The following FAM117B variants were observed in gnomAD, a reference collection of about 807,000 sequenced individuals.
The protein encoded by FAM117B is family with sequence similarity 117 member B.
A neutral mutation model predicts 52.8 loss-of-function variants in FAM117B; 22 were observed. The ratio of observed to expected loss-of-function variants is 0.42; its 90% CI spans 0.30 to 0.59. FAM117B has a LOEUF of 0.59. Ranked by LOEUF, FAM117B falls within the 20% of genes least tolerant of loss-of-function variation. FAM117B has a pLI of 0.22. For missense variants in FAM117B, 678 were observed against 802.6 expected (o/e 0.84, Z 1.88); for synonymous variants, 309 against 324.1 (o/e 0.95, Z 0.50).
At chr2:202,695,361 G>A (rs766600422) in intron 1 of FAM117B, among the ~76,000 whole-genome samples, 5 of 151,844 alleles carry the variant, frequency 3.3e-5, no homozygotes, top group Admixed American at 1.3e-4. Flanking sequence ...TATAAATTGC[G>A]CCATTCTGAG....
chr2:202,694,655 A>G (rs184757427), intron 1 of FAM117B, among the ~76,000 whole-genome samples: 6 of 152,256 alleles, frequency 3.9e-5, no homozygotes, highest in Middle Eastern at 3.4e-3. Context: ...TTGCTCAGAA[A>G]TGAAACCTAC....
At chr2:202,761,383 G>T (rs1691885339) in intron 7 of FAM117B, among the ~76,000 whole-genome samples, 1 of 152,322 alleles carries the variant, frequency 6.6e-6, no homozygotes, top group South Asian at 2.1e-4. Context: ...AGGACTCAGT[G>T]TCTGAGCTAT....
intron 4 of FAM117B, among the ~76,000 whole-genome samples, chr2:202,737,078 A>G (rs1691451863): frequency 6.6e-6 from 1 of 152,168 alleles, no homozygotes; most frequent in African/African-American, 2.4e-5. Context: ...CAACTCTAAA[A>G]GACAGGAAGC....
intron 1 of FAM117B, among the ~76,000 whole-genome samples, chr2:202,690,676 G>A (rs993270652): frequency 1.3e-5 from 2 of 152,186 alleles, no homozygotes; most frequent in African/African-American, 4.8e-5. Flanking sequence ...TACATACTGG[G>A]AACTGCAAGT....
chr2:202,757,245 A>AC lies in FAM117B; in HGVS notation c.1144dup (p.Leu382ProfsTer6), dbSNP rs761783143. The AC allele has an allele frequency of 6.2e-7, 1 of 1,613,442 alleles. No homozygotes were observed. Among genetic ancestry groups the AC allele is most frequent in the Non-Finnish European group, 8.5e-7 (1 of 1,179,928 alleles). The stretch of plus-strand genomic sequence containing the variant: ...ATATTCCAGATGGCCATCGTGCTCC[A>AC]CCCCCCCTTGTACAGAGAAGTAGCA... On this transcript the variant is annotated frameshift_variant, in exon 6 of 8. Transcript: ENST00000392238. LOFTEE classifies it high-confidence loss of function.
chr2:202,657,819 A>C (rs2105759839), intron 1 of FAM117B, among the ~76,000 whole-genome samples: 1 of 151,292 alleles, frequency 6.6e-6, no homozygotes, highest in African/African-American at 2.4e-5. Context: ...CCCTTTTCCT[A>C]CCTTTCAGAT....
intron 2 of FAM117B, among the ~76,000 whole-genome samples, chr2:202,720,875 A>C (rs1013411041): frequency 5.3e-5 from 8 of 152,190 alleles, no homozygotes; most frequent in African/African-American, 1.9e-4. Flanking sequence ...GCTTTTACCT[A>C]GTAGTTTTCA....
intron 1 of FAM117B, among the ~76,000 whole-genome samples, chr2:202,670,934 T>G (rs989923786): frequency 5.3e-5 from 8 of 152,236 alleles, no homozygotes; most frequent in African/African-American, 1.9e-4. Context: ...TTTAATTCCT[T>G]GTATTTAAAG....
intron 2 of FAM117B, among the ~76,000 whole-genome samples, chr2:202,713,132 A>G (rs1471615771): frequency 6.6e-6 from 1 of 152,148 alleles, no homozygotes. Flanking sequence ...TGTTTGGTGG[A>G]ATTCAGCACT....
chr2:202,723,370 A>G (rs1691181529), intron 2 of FAM117B, among the ~76,000 whole-genome samples: 1 of 152,198 alleles, frequency 6.6e-6, no homozygotes, highest in Non-Finnish European at 1.5e-5. Context: ...CAAAATTCAG[A>G]AGGTACAGAA....
chr2:202,660,785 C>T (rs989186919), intron 1 of FAM117B, among the ~76,000 whole-genome samples: 23 of 152,226 alleles, frequency 1.5e-4, no homozygotes, highest in African/African-American at 5.5e-4. Context: ...TCTCTCTGCA[C>T]TGTTCCAGTT....
At chr2:202,719,047 A>G (rs947093795) in intron 2 of FAM117B, among the ~76,000 whole-genome samples, 1 of 152,220 alleles carries the variant, frequency 6.6e-6, no homozygotes, top group Non-Finnish European at 1.5e-5. Flanking sequence ...TACATAAGAC[A>G]AGACTGAACA....
chr2:202,726,750 C>G (rs1200145787), intron 4 of FAM117B, among the ~76,000 whole-genome samples: 1 of 151,954 alleles, frequency 6.6e-6, no homozygotes, highest in Non-Finnish European at 1.5e-5. Context: ...TAATACCTGT[C>G]TCGGGCGGGG....
rs748734796 is a variant in FAM117B at position 202,765,590 on chromosome 2, T to C, written c.1596T>C (p.Ser532=). The C allele has an allele frequency of 3.1e-6, 5 of 1,614,190 alleles. No homozygotes were observed. Among genetic ancestry groups the C allele is most frequent in the Middle Eastern group, 1.6e-4 (1 of 6,062 alleles). Residue 532 remains serine, a synonymous_variant, in exon 8 of 8, where the codon TCT becomes TCC. Coordinates refer to ENST00000392238, the MANE Select transcript of FAM117B (RefSeq NM_173511.4). ...CCCCGGATCTTACACTCAAGGGCTCTGGCCACAGCCTGACAGTCACCACTG... is the reference window on the plus strand; with the variant it reads ...CCCCGGATCTTACACTCAAGGGCTCCGGCCACAGCCTGACAGTCACCACTG... The part of the protein sequence containing the change: ...LPTPDLTLKG[S]GHSLTVTTGM...
intron 4 of FAM117B, among the ~76,000 whole-genome samples, chr2:202,735,318 T>A (rs965343051): frequency 1.3e-5 from 2 of 152,190 alleles, no homozygotes; most frequent in African/African-American, 4.8e-5. Flanking sequence ...ATTACAGTAT[T>A]TTGTTTGTAT....
At chr2:202,685,073 C>T (rs1402094963) in intron 1 of FAM117B, among the ~76,000 whole-genome samples, 1 of 152,022 alleles carries the variant, frequency 6.6e-6, no homozygotes, top group East Asian at 1.9e-4. Context: ...ACCTCTGCCT[C>T]CTGGGTTCAA....
chr2:202,741,487 T>A (rs1691537224), intron 4 of FAM117B, among the ~76,000 whole-genome samples: 1 of 143,956 alleles, frequency 6.9e-6, no homozygotes, highest in African/African-American at 2.6e-5. Context: ...TCAGATAATA[T>A]GATAGTATAT....
At chr2:202,757,185 T>C in intron 5 of FAM117B, 28 bp from the exon 6 acceptor site, 4 of 1,600,294 alleles carry the variant, frequency 2.5e-6, no homozygotes, top group Non-Finnish European at 3.4e-6. Context: ...ATTATAAATA[T>C]ACCTATGTTT....
At chr2:202,735,778 C>T (rs1230210084) in intron 4 of FAM117B, among the ~76,000 whole-genome samples, 1 of 152,014 alleles carries the variant, frequency 6.6e-6, no homozygotes, top group East Asian at 1.9e-4. Flanking sequence ...TTATTTTTTA[C>T]AGTAGTTATG....
Sources: allele counts gnomAD v4.1 joint callset (sites outside exome capture counted in the v4.1 genomes callset), GRCh38; gene constraint gnomAD v4.1.1; transcripts MANE v1.5; gene names NCBI Gene and HGNC (gene_info 2026-07-23, HGNC 2026-07-21).